Variants in SEMA3D observed in about 807,000 individuals in gnomAD.
SEMA3D encodes the protein semaphorin 3D, also known as semaphorin-3D.
Under a neutral mutation model 100.1 loss-of-function variants are expected in SEMA3D, and 84 were observed. The ratio of observed to expected loss-of-function variants is 0.84; its 90% CI spans 0.70 to 1.01. The LOEUF is 1.01. Ranked by LOEUF, SEMA3D falls within the 50% of genes least tolerant of loss-of-function variation. The pLI is 0.00. For synonymous variants in SEMA3D, 312 were observed against 320.7 expected, an observed-to-expected ratio of 0.97 and a Z score of 0.29; for missense variants, 875 against 934.1, an observed-to-expected ratio of 0.94 and a Z score of 0.82.
intron 4 of SEMA3D, among the ~76,000 whole-genome samples, chr7:85,093,990 C>T (rs1433311539): frequency 6.6e-6 from 1 of 151,826 alleles, no homozygotes; most frequent in Non-Finnish European, 1.5e-5. Context: ...AAATATAATT[C>T]GATAAAGCCT....
the SEMA3D span, among the ~76,000 whole-genome samples, chr7:85,232,249 C>G: frequency 6.6e-6 from 1 of 152,184 alleles, no homozygotes; most frequent in African/African-American, 2.4e-5. Flanking sequence ...TATGTCATTG[C>G]TTGTTAGCTT....
At chr7:85,220,347 T>C in the SEMA3D span, among the ~76,000 whole-genome samples, 28 of 147,096 alleles carry the variant, frequency 1.9e-4, no homozygotes, top group African/African-American at 7.3e-4. Context: ...TTTTTTTTTT[T>C]ATCTCTACAC....
intron 3 of SEMA3D, among the ~76,000 whole-genome samples, chr7:85,101,773 T>G (rs2116329219): frequency 6.6e-6 from 1 of 152,140 alleles, no homozygotes; most frequent in African/African-American, 2.4e-5. Context: ...TTATATAAAG[T>G]TCTTAGAACC....
chr7:85,047,957 A>G (rs1791054557), intron 9 of SEMA3D, among the ~76,000 whole-genome samples: 2 of 151,706 alleles, frequency 1.3e-5, no homozygotes, highest in Non-Finnish European at 3.0e-5. Flanking sequence ...TCCCTGTTCT[A>G]CCCATTAATA....
At chr7:85,071,593 C>T (rs1471960664) in intron 6 of SEMA3D, among the ~76,000 whole-genome samples, 1 of 152,182 alleles carries the variant, frequency 6.6e-6, no homozygotes, top group African/African-American at 2.4e-5. Context: ...ATTGTGTGAA[C>T]ATCACAGAGT....
At position 84,999,375 on chromosome 7, in the gene SEMA3D, A is replaced by T. The variant is rs1789587535; in HGVS notation, c.*65T>A. On this transcript the variant is annotated 3_prime_UTR_variant, in exon 19 of 19. Coordinates refer to ENST00000284136, the MANE Select transcript of SEMA3D (RefSeq NM_001384900.1). The stretch of plus-strand genomic sequence containing the variant: ...AAGCATTTATGAATTACTATAAGGG[A>T]TATACAAAACAGAAGGCAATGTTTT... 8.1e-7 allele frequency: 1 copy of T among 1,238,320 alleles called. No individual in the cohort carries two copies. The highest frequency in any genetic ancestry group is 1.3e-5 in the South Asian group (1 of 75,516). 76.7% of individuals were successfully genotyped at this position (1,238,320 alleles called of 1,614,324 possible). A position where few individuals can be genotyped will look rare whatever the true frequency, so the allele number is the denominator to read the frequency against.
chr7:85,171,505 T>C (rs1424811870), intron 1 of SEMA3D, among the ~76,000 whole-genome samples: 1 of 151,972 alleles, frequency 6.6e-6, no homozygotes, highest in Non-Finnish European at 1.5e-5. Flanking sequence ...CCTACCTGTG[T>C]TCATTCCTGG....
intron 2 of SEMA3D, among the ~76,000 whole-genome samples, chr7:85,150,593 AAGG>A (rs1790353134): frequency 6.6e-6 from 1 of 150,754 alleles, no homozygotes; most frequent in Non-Finnish European, 1.5e-5. Flanking sequence ...CTGAAACCTG[AAGG>A]AGAATTTGTG....
chr7:85,159,017 A>G (rs1790673422), intron 1 of SEMA3D, among the ~76,000 whole-genome samples: 1 of 152,050 alleles, frequency 6.6e-6, no homozygotes, highest in Admixed American at 6.6e-5. Flanking sequence ...TTTGTTACCC[A>G]CATCACTCTC....
At chr7:85,197,061 C>T in the SEMA3D span, among the ~76,000 whole-genome samples, 4 of 151,882 alleles carry the variant, frequency 2.6e-5, no homozygotes, top group African/African-American at 7.3e-5. Flanking sequence ...CAACCTGACT[C>T]TGTCATAACA....
intron 12 of SEMA3D, chr7:85,028,401 AAAG>A: frequency 2.1e-6 from 1 of 468,472 alleles, no homozygotes; most frequent in Non-Finnish European, 3.8e-6. Context: ...AAAAAAAAAA[AAAG>A]GTTGGAGCTG....
chr7:85,119,101 A>G (rs1362788514), intron 3 of SEMA3D, among the ~76,000 whole-genome samples: 2 of 152,200 alleles, frequency 1.3e-5, no homozygotes, highest in African/African-American at 4.8e-5. Flanking sequence ...CTATTATATA[A>G]AAAGTCAAAA....
At chr7:85,007,180 T>A (rs926074183) in intron 17 of SEMA3D, among the ~76,000 whole-genome samples, 1 of 151,938 alleles carries the variant, frequency 6.6e-6, no homozygotes, top group Non-Finnish European at 1.5e-5. Flanking sequence ...TATTTGCACT[T>A]GATTTTAAAA....
In SEMA3D at chr7:85,042,259, C is replaced by T. The variant is rs1257009264; in HGVS notation, c.888G>A (p.Leu296=). 3.1e-6 allele frequency: 5 copies of T among 1,612,622 alleles called. No homozygotes were observed. Among genetic ancestry groups the T allele is most frequent in the East Asian group, 2.2e-5 (1 of 44,840 alleles). The change falls in exon 10 of 19, where the codon CTG becomes CTA. Residue 296 remains leucine, a synonymous_variant. Coordinates refer to ENST00000284136, the MANE Select transcript of SEMA3D (RefSeq NM_001384900.1). ...CKNDVGGQRS[L]INKWTTFLKA... ...TAAGAAAAGTCGTCCACTTGTTTAT[C>T]AGGCTGCGTTGTCCTCCTACATCAT...
chr7:85,025,314 G>A (rs770106183), intron 12 of SEMA3D, among the ~76,000 whole-genome samples: 9 of 151,950 alleles, frequency 5.9e-5, no homozygotes, highest in Non-Finnish European at 1.0e-4. Flanking sequence ...CACAAAAGAA[G>A]AAGAGAAAAT....
At position 84,999,534 on chromosome 7, in the gene SEMA3D, C is replaced by T. The variant is rs750224915; in HGVS notation, c.2240G>A (p.Gly747Asp). Residue 747 changes from glycine to aspartate, a missense_variant, in exon 19 of 19, where the codon GGC (glycine) becomes GAC (aspartate). By Grantham distance (94) the Gly-to-Asp change is moderately conservative. Transcript: ENST00000284136. Reference sequence around the variant, plus strand: ...TTCCTGCATGTGCTTCCACTTTGGGCCCCCCTTGTTTCTCTGTCTCCGCTT... The same window carrying T: ...TTCCTGCATGTGCTTCCACTTTGGGTCCCCCTTGTTTCTCTGTCTCCGCTT... ...REKRRQRNKGGPKWKHMQEMK... is the reference protein window; with the variant it reads ...REKRRQRNKGDPKWKHMQEMK... 3.7e-6 allele frequency: 6 copies of T among 1,613,910 alleles called. No homozygotes were observed. The African/African-American group carries it at 4.0e-5, about 11-fold the overall frequency.
chr7:85,231,232 T>C, the SEMA3D span, among the ~76,000 whole-genome samples: 2 of 152,130 alleles, frequency 1.3e-5, no homozygotes, highest in Non-Finnish European at 2.9e-5. Flanking sequence ...AGCGTCTACT[T>C]TATCGTACGT....
intron 2 of SEMA3D, among the ~76,000 whole-genome samples, chr7:85,147,603 A>G (rs1790253524): frequency 6.6e-6 from 1 of 152,170 alleles, no homozygotes. Flanking sequence ...TTGTATCTAT[A>G]AATATATTTT....
rs1242275998 is a variant in SEMA3D, at chr7:84,996,625, A to C, written c.*2815T>G. The C allele has an allele frequency of 6.6e-6, 1 of 152,464 alleles. No individual in the cohort carries two copies. The highest frequency in any genetic ancestry group is 6.5e-5 in the Admixed American group (1 of 15,274). 9.4% of individuals were successfully genotyped at this position (152,464 alleles called of 1,614,324 possible). A position where few individuals can be genotyped will look rare whatever the true frequency, so the allele number is the denominator to read the frequency against. Reference sequence around the variant, plus strand: ...ATTTACAATAAGTTGAATGTAAATGAATGCAGACATGCGGGATTCTATTTA... The same window carrying C: ...ATTTACAATAAGTTGAATGTAAATGCATGCAGACATGCGGGATTCTATTTA... On this transcript the variant is annotated 3_prime_UTR_variant, in exon 19 of 19. Transcript: ENST00000284136.
Sources: gnomAD v4.1 joint callset for allele counts (sites outside exome capture counted in the v4.1 genomes callset) on GRCh38, gnomAD v4.1.1 for gene constraint, MANE v1.5 for transcripts, NCBI Gene and HGNC (gene_info 2026-07-23, HGNC 2026-07-21) for gene names.